POC1A: variants seen among roughly 807,000 people sequenced by gnomAD.
POC1A encodes POC1 centriolar protein homolog A.
POC1A carries 34 observed loss-of-function variants against 47.8 expected under a neutral mutation model. That is an observed-to-expected ratio of 0.71 (90% CI 0.54 to 0.95). POC1A has a LOEUF of 0.95. POC1A is among the 40% of genes least tolerant of loss of function. The pLI is 0.00. For missense variants in POC1A, 466 were observed against 528.3 expected (o/e 0.88, Z 1.16); for synonymous variants, 177 against 207.6 (o/e 0.85, Z 1.27).
intron 10 of POC1A, among the ~76,000 whole-genome samples, chr3:52,088,924 G>A (rs892324419): frequency 7.2e-6 from 1 of 138,674 alleles, no homozygotes; most frequent in South Asian, 2.4e-4. Flanking sequence ...AAGAAATCTC[G>A]TATGACCGAC....
Position 52,125,156 on chromosome 3 carries a change from G to A in POC1A, c.839C>T (p.Ser280Leu), listed in dbSNP as rs1703948296. 6.2e-7 allele frequency: 1 copy of A among 1,613,988 alleles called. No homozygotes were observed. The highest frequency in any genetic ancestry group is 8.5e-7 in the Non-Finnish European group (1 of 1,179,894). Residue 280 changes from serine to leucine, a missense_variant, in exon 8 of 11, where the codon TCA becomes TTA. By Grantham distance (145) the Ser-to-Leu change is moderately radical (BLOSUM62 -2). Transcript: ENST00000296484. ...HQGPATTVAFSRTGEYFASGG... is the reference protein window; with the variant it reads ...HQGPATTVAFLRTGEYFASGG... ...AGAAGCAAAATACTCCCCCGTTCTTGAAAAGGCAACAGTGGTGGCTGGTCC... is the reference window on the plus strand; with the variant it reads ...AGAAGCAAAATACTCCCCCGTTCTTAAAAAGGCAACAGTGGTGGCTGGTCC...
In POC1A at chr3:52,154,359, C is replaced by A. The variant is rs866804023; in HGVS notation, c.14G>T (p.Cys5Phe). 1 of 1,539,260 alleles carries A rather than the reference C, an allele frequency of 6.5e-7. No individual in the cohort carries two copies. Among genetic ancestry groups the A allele is most frequent in the Non-Finnish European group, 8.7e-7 (1 of 1,149,350 alleles). Reference protein sequence around the residue: MAAPCAEDPSLERHF... With the variant: MAAPFAEDPSLERHF... ...GTTGCTCTCGGCTGGGCTTACCGCG[C>A]AGGGCGCAGCCATGGCGGGGCTGGC... Residue 5 changes from cysteine to phenylalanine, a missense_variant, in exon 1 of 11, where the codon TGC becomes TTC. Coordinates refer to ENST00000296484, the MANE Select transcript of POC1A (RefSeq NM_015426.5).
intron 7 of POC1A, among the ~76,000 whole-genome samples, chr3:52,130,828 C>T (rs1704183860): frequency 6.6e-6 from 1 of 152,136 alleles, no homozygotes; most frequent in African/African-American, 2.4e-5. Flanking sequence ...GAAGGTGCAT[C>T]CCCTTTGCTG....
rs1008802366 is a variant in POC1A at position 52,075,243 on chromosome 3, C to T, written c.*644G>A. 1 of 152,432 alleles carries T rather than the reference C, an allele frequency of 6.6e-6. No homozygotes were observed. Among genetic ancestry groups the T allele is most frequent in the East Asian group, 1.9e-4 (1 of 5,200 alleles). The allele number at this position is 152,432 out of a possible 1,614,324, so 9.4% of individuals were successfully genotyped here. ...AAGTGTCATCCAGCATAAGCCACTCCTGCAACAAGTGCAATGAAGTCAGGT... is the reference window on the plus strand; with the variant it reads ...AAGTGTCATCCAGCATAAGCCACTCTTGCAACAAGTGCAATGAAGTCAGGT... On this transcript the variant is annotated 3_prime_UTR_variant, in exon 11 of 11. Coordinates refer to ENST00000296484, the MANE Select transcript of POC1A (RefSeq NM_015426.5).
intron 5 of POC1A, 40 bp from the exon 6 acceptor site, chr3:52,146,001 C>T (rs771189210): frequency 3.9e-6 from 5 of 1,285,792 alleles, no homozygotes; most frequent in South Asian, 3.6e-5. Context: ...AGGAGGTCTG[C>T]CCTGGTTCAG....
In POC1A at chr3:52,105,078, C is replaced by A. The variant is rs567751322; in HGVS notation, c.982-8366G>T. 3.0e-4 allele frequency among the ~76,000 whole-genome samples: 45 copies of A among 152,324 alleles called. No homozygotes were observed. The South Asian group carries it at 8.9e-3, about 30-fold the overall frequency. On this transcript the variant is annotated intron_variant, in intron 9 of 10. Coordinates refer to ENST00000296484, the MANE Select transcript of POC1A (RefSeq NM_015426.5). ...TGAAACTGTAATAAACAAAAGCATC[C>A]AGGAACTGGTCCAAAGCTTGATTCT...
chr3:52,087,190 A>G (rs1441297413), intron 10 of POC1A, among the ~76,000 whole-genome samples: 4 of 152,106 alleles, frequency 2.6e-5, no homozygotes, highest in African/African-American at 9.7e-5. Context: ...GGCGGGAGTA[A>G]AGGAAGCAGT....
rs757255320 is a variant in POC1A at position 52,084,066 on chromosome 3, G to A, written c.1126-8081C>T. On this transcript the variant is annotated intron_variant, in intron 10 of 10. Transcript: ENST00000296484. This position sits in a 1 kb window ranked among gnomAD's most constrained non-coding sequence, Gnocchi z 4.3. ...AGGTCTGAGTAGGCACAGCCAGGGA[G>A]GATGCTGCTCCCACGTGCCTGTGGC... Among the ~76,000 whole-genome samples, 65 of 152,228 alleles carry A rather than the reference G, an allele frequency of 4.3e-4. No homozygotes were observed. The highest frequency in any genetic ancestry group is 7.8e-4 in the Non-Finnish European group (53 of 68,032).
At chr3:52,124,169 C>T (rs763941197) in intron 8 of POC1A, among the ~76,000 whole-genome samples, 3 of 152,224 alleles carry the variant, frequency 2.0e-5, no homozygotes, top group East Asian at 1.9e-4. Context: ...TAAACATTCT[C>T]GGCCATCCAT....
At chr3:52,103,786 G>C (rs925999374) in intron 9 of POC1A, among the ~76,000 whole-genome samples, 6 of 151,844 alleles carry the variant, frequency 4.0e-5, no homozygotes, top group African/African-American at 1.5e-4. Flanking sequence ...AAACCACAGC[G>C]ACATACAACT....
rs369062650 is a variant in POC1A, at chr3:52,147,946, CATAA to C, written c.456-855_456-852del. 9.7e-4 allele frequency among the ~76,000 whole-genome samples: 147 copies of C among 151,040 alleles called. 2 individuals are homozygous for C. Among genetic ancestry groups the C allele is most frequent in the African/African-American group, 3.4e-3 (139 of 41,100 alleles). ...CTTCCTGACTTAGAGGAAAACCAAA[CATAA>C]ATAAACAAAAAGAAAAGAAAAAAAA... is the stretch of plus-strand genomic sequence containing the variant. On this transcript the variant is annotated intron_variant, in intron 4 of 10. Coordinates refer to ENST00000296484, the MANE Select transcript of POC1A (RefSeq NM_015426.5).
intron 9 of POC1A, among the ~76,000 whole-genome samples, chr3:52,098,867 T>C (rs544061219): frequency 1.3e-5 from 2 of 152,348 alleles, no homozygotes; most frequent in Admixed American, 6.5e-5. Context: ...ATGATGGCCC[T>C]TCCCAATAGG....
intron 9 of POC1A, among the ~76,000 whole-genome samples, chr3:52,115,378 T>TG (rs1456364059): frequency 1.3e-5 from 2 of 152,214 alleles, no homozygotes; most frequent in African/African-American, 4.8e-5. Context: ...GGTTCACTCC[T>TG]GCTCCAAACA....
chr3:52,096,490 G>A (rs1157956473), intron 10 of POC1A, 79 bp downstream of exon 10: 2 of 1,226,954 alleles, frequency 1.6e-6, no homozygotes, highest in Non-Finnish European at 2.2e-6. Flanking sequence ...TCCAGCACCT[G>A]TTGTCCAACT....
intron 9 of POC1A, among the ~76,000 whole-genome samples, chr3:52,114,823 C>T (rs1201571293): frequency 6.6e-6 from 1 of 152,206 alleles, no homozygotes; most frequent in Non-Finnish European, 1.5e-5. Context: ...CCCGGTAAAG[C>T]CCCACAATAG....
chr3:52,128,372 T>C (rs1704088085), intron 7 of POC1A, among the ~76,000 whole-genome samples: 2 of 152,174 alleles, frequency 1.3e-5, no homozygotes, highest in Admixed American at 1.3e-4. Flanking sequence ...GCCCTGCAGA[T>C]AAGAAGTGCT....
intron 10 of POC1A, among the ~76,000 whole-genome samples, chr3:52,081,638 T>C (rs970405583): frequency 2.0e-5 from 3 of 152,052 alleles, no homozygotes; most frequent in African/African-American, 7.2e-5. Flanking sequence ...AGAGGGGGCC[T>C]CAGGGGAGGC....
chr3:52,135,619 C>T (rs552849642), intron 7 of POC1A, among the ~76,000 whole-genome samples: 11 of 152,308 alleles, frequency 7.2e-5, no homozygotes, highest in African/African-American at 1.9e-4. Context: ...CCACAGCAAA[C>T]GCTGGCAGAC....
At chr3:52,082,197 G>T (rs1403424834) in intron 10 of POC1A, among the ~76,000 whole-genome samples, 1 of 152,112 alleles carries the variant, frequency 6.6e-6, no homozygotes, top group African/African-American at 2.4e-5. Flanking sequence ...GGGGGGAGTG[G>T]GGAGGGCAGT....
Sources: gnomAD v4.1 joint callset for allele counts (sites outside exome capture counted in the v4.1 genomes callset) on GRCh38, gnomAD v4.1.1 for gene constraint, Gnocchi (gnomAD v3.1) non-coding constraint, MANE v1.5 for transcripts, NCBI Gene and HGNC (gene_info 2026-07-23, HGNC 2026-07-21) for gene names.